The following PNPT1 variants were observed in gnomAD, a reference collection of about 807,000 sequenced individuals.
PNPT1 encodes the protein polyribonucleotide nucleotidyltransferase 1, mitochondrial.
PNPT1 carries 53 observed loss-of-function variants against 119.5 expected under a neutral mutation model. That is an observed-to-expected ratio of 0.44 (90% confidence interval 0.36 to 0.56). The LOEUF is 0.56. PNPT1 is among the 20% of genes least tolerant of loss of function. PNPT1 has a pLI of 0.00. For missense variants in PNPT1, 948 were observed against 938.5 expected (o/e 1.01, Z -0.13); for synonymous variants, 357 against 322.1 (o/e 1.11, Z -1.16).
At chr2:55,642,605 CAAAAAAAAAAAAAAAA>C (rs559417017) in intron 25 of PNPT1, among the ~76,000 whole-genome samples, 1 of 44,224 alleles carries the variant, frequency 2.3e-5, no homozygotes. Context: ...GACTCTGTCC[CAAAAAAAAAAAAAAAA>C]AAAAAAAAGA....
Position 55,654,770 on chromosome 2 carries a change from C to T in PNPT1, c.1495+130G>A, listed in dbSNP as rs912892218. On this transcript the variant is annotated intron_variant, in intron 18 of 27. Coordinates refer to ENST00000447944, the MANE Select transcript of PNPT1 (RefSeq NM_033109.5). ...TTAATCTTTTTTGTAGAGATGAGGT[C>T]TTGCTATGTTGCCCAGGCTGGTCTT... The T allele has an allele frequency of 3.3e-5, 24 of 733,662 alleles. 1 individual carries two copies. Among genetic ancestry groups the T allele is most frequent in the Admixed American group, 3.2e-4 (13 of 41,072 alleles). The allele number at this position is 733,662 out of a possible 1,614,324, so 45.4% of individuals were successfully genotyped here.
intron 13 of PNPT1, among the ~76,000 whole-genome samples, chr2:55,663,939 A>G (rs548236823): frequency 2.4e-4 from 36 of 151,954 alleles, no homozygotes; most frequent in Non-Finnish European, 4.6e-4. Flanking sequence ...CCGTGAGCCG[A>G]GATCACACCA....
chr2:55,677,899 C>T lies in PNPT1; in HGVS notation c.679+1783G>A, dbSNP rs1170318267. Among the ~76,000 whole-genome samples the T allele has an allele frequency of 5.3e-5, 8 of 151,910 alleles. No homozygotes were observed. The South Asian group carries it at 8.3e-4, about 16-fold the overall frequency. On this transcript the variant is annotated intron_variant, in intron 8 of 27. Coordinates refer to ENST00000447944, the MANE Select transcript of PNPT1 (RefSeq NM_033109.5). ...GACTACAGGCGCCCGCCAACACGCC[C>T]GGCTAATTTTTTTTTGTATTTTTAG...
Position 55,673,022 on chromosome 2 carries a change from T to C in PNPT1, c.737A>G (p.Lys246Arg). The change falls in exon 9 of 28, where the codon AAA becomes AGA. Residue 246 changes from lysine to arginine, a missense_variant. Transcript: ENST00000447944. Reference protein sequence around the residue: ...ILQQDFCHAIKVGVKYTQQII... With the variant: ...ILQQDFCHAIRVGVKYTQQII... ...TTGTTGGGTATATTTCACTCCCACT[T>C]TGATAGCATGGCAAAAGTCCTGCTG... The C allele has an allele frequency of 1.9e-6, 3 of 1,612,836 alleles. No individual in the cohort carries two copies. Among genetic ancestry groups the C allele is most frequent in the Non-Finnish European group, 2.5e-6 (3 of 1,179,810 alleles).
intron 15 of PNPT1, among the ~76,000 whole-genome samples, 194 bp downstream of exon 15, chr2:55,659,963 T>C (rs531739199): frequency 6.6e-6 from 1 of 152,000 alleles, no homozygotes; most frequent in Non-Finnish European, 1.5e-5. Flanking sequence ...AATTAGCCAA[T>C]TGTGGTTGCA....
intron 13 of PNPT1, among the ~76,000 whole-genome samples, chr2:55,664,222 A>T (rs1488277084): frequency 6.6e-6 from 1 of 152,250 alleles, no homozygotes; most frequent in Non-Finnish European, 1.5e-5. Context: ...GTAACTGATA[A>T]GACAACTGCA....
At chr2:55,673,986 G>A (rs978987904) in intron 8 of PNPT1, among the ~76,000 whole-genome samples, 2 of 152,134 alleles carry the variant, frequency 1.3e-5, no homozygotes, top group Middle Eastern at 3.2e-3. Context: ...GCCTCCTAAA[G>A]TGCTGGGATT....
chr2:55,646,188 C>G, intron 21 of PNPT1, 71 bp downstream of exon 21: 1 of 1,369,432 alleles, frequency 7.3e-7, no homozygotes, highest in Non-Finnish European at 1.0e-6. Context: ...TTATAATAAG[C>G]CTAATGAGAA....
At chr2:55,674,436 TGAAA>T (rs1697004505) in intron 8 of PNPT1, among the ~76,000 whole-genome samples, 1 of 151,872 alleles carries the variant, frequency 6.6e-6, no homozygotes, top group African/African-American at 2.4e-5. Flanking sequence ...CTATAAAAAA[TGAAA>T]GAATTAGCCA....
intron 5 of PNPT1, among the ~76,000 whole-genome samples, chr2:55,682,905 C>G (rs1384062748): frequency 6.6e-6 from 1 of 151,864 alleles, no homozygotes; most frequent in Non-Finnish European, 1.5e-5. Context: ...GGTCCTGACT[C>G]AAAACAAAAC....
chr2:55,666,914 TCTA>T, intron 13 of PNPT1, 74 bp downstream of exon 13: 2 of 878,018 alleles, frequency 2.3e-6, no homozygotes, highest in Non-Finnish European at 1.7e-6. Flanking sequence ...ACCTACAGCA[TCTA>T]CTAATGTACT....
chr2:55,685,591 C>A (rs1448981652), intron 3 of PNPT1, among the ~76,000 whole-genome samples: 4 of 152,122 alleles, frequency 2.6e-5, no homozygotes, highest in Non-Finnish European at 4.4e-5. Flanking sequence ...CTATTTGCCA[C>A]AGATGCTCAT....
At chr2:55,656,972 G>C (rs1010710908) in intron 15 of PNPT1, among the ~76,000 whole-genome samples, 1 of 152,186 alleles carries the variant, frequency 6.6e-6, no homozygotes, top group Non-Finnish European at 1.5e-5. Context: ...TGGTGGATAT[G>C]TTACCTTGAA....
At chr2:55,644,587 T>C in intron 23 of PNPT1, 50 bp downstream of exon 23, 2 of 1,395,676 alleles carry the variant, frequency 1.4e-6, no homozygotes, top group Non-Finnish European at 2.0e-6. Context: ...TAGCAAACTT[T>C]TATGGTCTAG....
rs181170201 is a variant in PNPT1 at position 55,670,421 on chromosome 2, C to T, written c.976+898G>A. Reference sequence around the variant, plus strand: ...CAGGATGGTCTCGATCTCTTGACCTCGTGATCTGTCTGCCTCGGCCGCCCA... The same window carrying T: ...CAGGATGGTCTCGATCTCTTGACCTTGTGATCTGTCTGCCTCGGCCGCCCA... On this transcript the variant is annotated intron_variant, in intron 11 of 27. Coordinates refer to ENST00000447944, the MANE Select transcript of PNPT1 (RefSeq NM_033109.5). 4.2e-4 allele frequency among the ~76,000 whole-genome samples: 63 copies of T among 150,810 alleles called. 1 individual carries two copies. In the East Asian group the frequency reaches 9.0e-3, roughly 22 times the overall value.
rs1291303562 is a variant in PNPT1, at chr2:55,640,652, T to C, written c.2123A>G (p.His708Arg). Reference protein sequence around the residue: ...LYPNMTAVLLHNTQLDQRKIK... With the variant: ...LYPNMTAVLLRNTQLDQRKIK... The stretch of plus-strand genomic sequence containing the variant: ...CTTTCGTTGATCAAGTTGTGTGTTA[T>C]GAAGCAGTACCGCAGTCATATTTGG... Residue 708 changes from histidine to arginine, a missense_variant, in exon 26 of 28, where the codon CAT (histidine) becomes CGT (arginine). Transcript: ENST00000447944. 1.3e-6 allele frequency: 2 copies of C among 1,593,794 alleles called. No homozygotes were observed. Among genetic ancestry groups the C allele is most frequent in the African/African-American group, 1.3e-5 (1 of 74,436 alleles).
intron 1 of PNPT1, among the ~76,000 whole-genome samples, chr2:55,693,260 T>C (rs951051638): frequency 1.3e-5 from 2 of 152,164 alleles, no homozygotes; most frequent in Non-Finnish European, 2.9e-5. Context: ...GAGGTCTGTG[T>C]CCCAGCTCGA....
chr2:55,640,784 T>C (rs1695810784), intron 25 of PNPT1, 79 bp from the exon 26 acceptor site: 3 of 1,014,326 alleles, frequency 3.0e-6, no homozygotes, highest in East Asian at 4.9e-5. Context: ...ATTGTTTTCA[T>C]ATGAGGAAAA....
intron 13 of PNPT1, 151 bp from the exon 14 acceptor site, chr2:55,662,177 A>C: frequency 1.7e-6 from 1 of 584,912 alleles, no homozygotes; most frequent in Non-Finnish European, 2.8e-6. Context: ...TTAAACACTT[A>C]TTTATTCTAT....
Sources: gnomAD v4.1 joint callset for allele counts (sites outside exome capture counted in the v4.1 genomes callset) on GRCh38, gnomAD v4.1.1 for gene constraint, MANE v1.5 for transcripts, NCBI Gene and HGNC (gene_info 2026-07-23, HGNC 2026-07-21) for gene names.